SLC2A5: variants seen among roughly 807,000 people sequenced by gnomAD.
The protein encoded by SLC2A5 is solute carrier family 2, facilitated glucose transporter member 5.
SLC2A5 carries 56 observed loss-of-function variants against 50.3 expected under a neutral mutation model. That is an observed-to-expected ratio of 1.11 (90% CI 0.90 to 1.39). The LOEUF (loss-of-function observed/expected upper bound fraction) is 1.39, where lower values mean the gene tolerates loss of function less well. Ranked by LOEUF, SLC2A5 falls within the 40% of genes most tolerant of loss-of-function variation. The probability of loss-of-function intolerance (pLI) is 0.00; values close to 1 mark genes in which losing one functional copy is unlikely to be tolerated. For synonymous variants in SLC2A5, 269 were observed against 281.9 expected (o/e 0.95, Z 0.46); for missense variants, 566 against 650.1 (o/e 0.87, Z 1.41).
chr1:9,088,108 T>C (rs1642422345), intron 1 of SLC2A5, among the ~76,000 whole-genome samples: 2 of 152,160 alleles, frequency 1.3e-5, no homozygotes, highest in African/African-American at 4.8e-5. Flanking sequence ...ATTCAGGCTT[T>C]CTTCTGTCTT....
intron 4 of SLC2A5, among the ~76,000 whole-genome samples, chr1:9,046,710 C>T (rs1024441021): frequency 1.3e-5 from 2 of 149,816 alleles, no homozygotes; most frequent in Admixed American, 6.7e-5. Context: ...GTATGTGAAA[C>T]AAAAGTGGGC....
chr1:9,050,186 A>G (rs1362682647), intron 3 of SLC2A5, among the ~76,000 whole-genome samples: 1 of 152,098 alleles, frequency 6.6e-6, no homozygotes, highest in African/African-American at 2.4e-5. Context: ...CTGAGGCTAG[A>G]GAATTGCTTG....
Position 9,038,440 on chromosome 1 carries a change from G to A in SLC2A5, c.1165C>T (p.Leu389Phe). 1.2e-6 allele frequency: 2 copies of A among 1,612,792 alleles called. No homozygotes were observed. Among genetic ancestry groups the A allele is most frequent in the Non-Finnish European group, 1.7e-6 (2 of 1,179,006 alleles). ...AGCTTTGGGTACGTACTGGGCCCGA[G>A]GGCATGTCCTATGACGTAGGAGATG... ...CVISYVIGHA[L>F]GPSPIPALLI... Residue 389 changes from leucine to phenylalanine, a missense_variant, in exon 10 of 12, where the codon CTC becomes TTC. Transcript: ENST00000377424.
chr1:9,038,750 A>G, intron 9 of SLC2A5, 78 bp downstream of exon 9: 2 of 1,490,550 alleles, frequency 1.3e-6, no homozygotes, highest in Non-Finnish European at 1.8e-6. Context: ...ATTTTAAGGC[A>G]GGTGGAGGCG....
At chr1:9,059,536 C>CTTTTTTTTTTTTTTTTTTT (rs58395185) in intron 1 of SLC2A5, among the ~76,000 whole-genome samples, 1 of 98,410 alleles carries the variant, frequency 1.0e-5, no homozygotes, top group Non-Finnish European at 1.8e-5. Flanking sequence ...TACAGAGAAT[C>CTTTTTTTTTTTTTTTTTTT]TTTTTTTTTT....
intron 4 of SLC2A5, 143 bp downstream of exon 4, chr1:9,047,467 C>A (rs1641464071): frequency 1.3e-6 from 1 of 764,936 alleles, no homozygotes. Context: ...CCAGGTAGGG[C>A]TCAACCATCT....
intron 5 of SLC2A5, chr1:9,041,172 G>A: frequency 2.6e-6 from 1 of 386,890 alleles, no homozygotes. Context: ...ACTGGCTTAT[G>A]TTTTGGCTGA....
At chr1:9,043,326 T>C (rs1217576423) in intron 4 of SLC2A5, among the ~76,000 whole-genome samples, 1 of 152,170 alleles carries the variant, frequency 6.6e-6, no homozygotes, top group Non-Finnish European at 1.5e-5. Context: ...CCCACAGATG[T>C]CTCTGCTCAG....
At chr1:9,089,446 A>C (rs1169199394), upstream of SLC2A5, among the ~76,000 whole-genome samples, 2 of 152,218 alleles carry the variant, frequency 1.3e-5, no homozygotes, top group East Asian at 3.8e-4. Context: ...AATTATAAAA[A>C]TTAGAGGAGG....
chr1:9,070,072 G>GTTTTTTTT (rs56828280), upstream of SLC2A5, among the ~76,000 whole-genome samples: 4 of 62,544 alleles, frequency 6.4e-5, no homozygotes, highest in African/African-American at 8.8e-5. Context: ...CTCATTTTCT[G>GTTTTTTTT]TTTTTTTTTT....
At position 9,069,498 on chromosome 1, in the gene SLC2A5, ACTCACCCCTT is replaced by A. The variant is rs1396092542; in HGVS notation, c.29_33+5del. The A allele has an allele frequency of 2.5e-6, 4 of 1,613,240 alleles. No individual in the cohort carries two copies. The highest frequency in any genetic ancestry group is 3.4e-6 in the Non-Finnish European group (4 of 1,179,838). The stretch of plus-strand genomic sequence containing the variant: ...CTTGGCCCCTTTCCCTGAGCAACAC[ACTCACCCCTT>A]CCTTCATGCTCTGATCCTGTTGCTC... On this transcript the variant is annotated splice_donor_variant and splice_donor_5th_base_variant and coding_sequence_variant and intron_variant, in exon 1 of 12. Coordinates refer to ENST00000377424, the MANE Select transcript of SLC2A5 (RefSeq NM_003039.3). LOFTEE classifies it high-confidence loss of function.
At chr1:9,061,281 CAA>C (rs148475993) in intron 1 of SLC2A5, among the ~76,000 whole-genome samples, 54 of 111,380 alleles carry the variant, frequency 4.8e-4, no homozygotes, top group Admixed American at 7.6e-4. Context: ...GACCCTGTCT[CAA>C]AAAAAAAAAA....
At chr1:9,070,447 C>T (rs1642191201), upstream of SLC2A5, among the ~76,000 whole-genome samples, 1 of 152,044 alleles carries the variant, frequency 6.6e-6, no homozygotes, top group South Asian at 2.1e-4. Flanking sequence ...TTCATCACTA[C>T]TGGGAAGGTG....
intron 3 of SLC2A5, among the ~76,000 whole-genome samples, chr1:9,055,997 A>G (rs892317105): frequency 1.6e-4 from 25 of 152,220 alleles, no homozygotes; most frequent in African/African-American, 6.0e-4. Context: ...ACTCCTAAGT[A>G]GACAGCTCAA....
intron 2 of SLC2A5, among the ~76,000 whole-genome samples, chr1:9,074,890 G>A (rs1038598791): frequency 1.4e-4 from 21 of 152,012 alleles, no homozygotes; most frequent in African/African-American, 5.1e-4. Context: ...GGGTGTGGTG[G>A]TGTGCACCTA....
rs574669258 is a variant in SLC2A5 at position 9,084,477 on chromosome 1, G to A, written c.-59+537C>T. 6.6e-5 allele frequency among the ~76,000 whole-genome samples: 10 copies of A among 152,306 alleles called. No individual in the cohort carries two copies. The South Asian group carries it at 2.1e-3, about 32-fold the overall frequency. On this transcript the variant is annotated intron_variant, in intron 2 of 5. Transcript: ENST00000464985. ...CAAAGGTGTCAAAAGCCTGGACACTGCCTGCGGTTAAGGTCCCACTGGCGT... is the reference window on the plus strand; with the variant it reads ...CAAAGGTGTCAAAAGCCTGGACACTACCTGCGGTTAAGGTCCCACTGGCGT...
At chr1:9,047,115 C>T (rs990144909) in intron 4 of SLC2A5, among the ~76,000 whole-genome samples, 10 of 152,058 alleles carry the variant, frequency 6.6e-5, no homozygotes, top group Non-Finnish European at 1.5e-4. Context: ...TATAAATTAC[C>T]CAGTCTTGGG....
upstream of SLC2A5, among the ~76,000 whole-genome samples, chr1:9,089,427 TC>T (rs1642439402): frequency 6.6e-6 from 1 of 152,118 alleles, no homozygotes; most frequent in African/African-American, 2.4e-5. Flanking sequence ...GCCCCAGATA[TC>T]TAGAAAAAAT....
intron 2 of SLC2A5, among the ~76,000 whole-genome samples, chr1:9,083,496 G>A (rs900010927): frequency 6.6e-6 from 1 of 152,172 alleles, no homozygotes; most frequent in Non-Finnish European, 1.5e-5. Context: ...TTTGACCTAG[G>A]TTTCACGTAG....
Sources: allele counts gnomAD v4.1 joint callset (sites outside exome capture counted in the v4.1 genomes callset), GRCh38; gene constraint gnomAD v4.1.1; transcripts MANE v1.5; gene names NCBI Gene and HGNC (gene_info 2026-07-23, HGNC 2026-07-21).